The following NOX4 variants were observed in gnomAD, a reference collection of about 807,000 sequenced individuals.
The protein encoded by NOX4 is kidney oxidase-1.
In NOX4, 69 loss-of-function variants were observed where a neutral mutation model predicts 87.6. That is an observed-to-expected ratio of 0.79 (90% CI 0.65 to 0.96). The LOEUF is 0.96. Ranked by LOEUF, NOX4 falls within the 40% of genes least tolerant of loss-of-function variation. The probability of loss-of-function intolerance (pLI) is 0.00; values close to 1 mark genes in which losing one functional copy is unlikely to be tolerated. For synonymous variants in NOX4, 275 were observed against 238.2 expected, an observed-to-expected ratio of 1.15 and a Z score of -1.42; for missense variants, 680 against 681.5, an observed-to-expected ratio of 1.00 and a Z score of 0.02.
intron 12 of NOX4, among the ~76,000 whole-genome samples, chr11:89,372,710 C>G (rs551742829): frequency 6.6e-6 from 1 of 151,908 alleles, no homozygotes; most frequent in Non-Finnish European, 1.5e-5. Flanking sequence ...CGTTTAGCAC[C>G]TAAGTATAAG....
chr11:89,546,734 G>A, the NOX4 span: 3 of 152,170 alleles, frequency 2.0e-5, no homozygotes, highest in Admixed American at 6.6e-5. Flanking sequence ...AGGCAACAAA[G>A]CATGCACATG....
intron 12 of NOX4, among the ~76,000 whole-genome samples, chr11:89,358,774 GAT>G (rs1938284119): frequency 6.6e-6 from 1 of 150,742 alleles, no homozygotes; most frequent in South Asian, 2.1e-4. Context: ...AAAAAAAAAA[GAT>G]ATATTAATGC....
intron 11 of NOX4, among the ~76,000 whole-genome samples, chr11:89,387,687 G>A (rs1393834656): frequency 6.6e-6 from 1 of 152,128 alleles, no homozygotes; most frequent in African/African-American, 2.4e-5. Context: ...AAATTAGTAT[G>A]AAAATAATGT....
intron 12 of NOX4, among the ~76,000 whole-genome samples, chr11:89,368,440 C>A (rs1167728426): frequency 6.6e-6 from 1 of 152,056 alleles, no homozygotes; most frequent in Non-Finnish European, 1.5e-5. Flanking sequence ...GATCAAGGCA[C>A]CAGCAGCTTT....
chr11:89,372,701 G>A (rs1461835574), intron 12 of NOX4, among the ~76,000 whole-genome samples: 3 of 151,698 alleles, frequency 2.0e-5, no homozygotes, highest in Non-Finnish European at 2.9e-5. Flanking sequence ...CCAACTCCTC[G>A]TTTAGCACCT....
intron 12 of NOX4, among the ~76,000 whole-genome samples, chr11:89,365,223 G>A (rs1437766196): frequency 1.3e-5 from 2 of 151,948 alleles, no homozygotes; most frequent in African/African-American, 4.8e-5. Context: ...TTTATTTCCA[G>A]GGGGAGCAGA....
At chr11:89,543,882 T>C in the NOX4 span, among the ~76,000 whole-genome samples, 1 of 152,100 alleles carries the variant, frequency 6.6e-6, no homozygotes, top group African/African-American at 2.4e-5. Context: ...ATTTTATTAA[T>C]AGTCGAGGTG....
At chr11:89,434,230 C>T (rs903772289) in intron 6 of NOX4, among the ~76,000 whole-genome samples, 1 of 151,982 alleles carries the variant, frequency 6.6e-6, no homozygotes, top group Admixed American at 6.6e-5. Context: ...TAACAGCATT[C>T]GAAATCTCAG....
upstream of NOX4, chr11:89,498,784 G>C (rs1438426147): frequency 6.6e-6 from 1 of 152,218 alleles, no homozygotes; most frequent in Non-Finnish European, 1.5e-5. Context: ...TCACACTTTT[G>C]GCATGGATAA....
Position 89,444,202 on chromosome 11 carries a change from G to A in NOX4, c.380C>T (p.Ala127Val). The A allele has an allele frequency of 6.2e-7, 1 of 1,613,502 alleles. No homozygotes were observed. ...GVHVAAHLVN[A>V]LNFSVNYSED... ...ACTGTAATTCACTGAGAAGTTGAGG[G>A]CATTCACCAGATGGGCAGCCACATG... is the stretch of plus-strand genomic sequence containing the variant. The change falls in exon 5 of 18, where the codon GCC (alanine) becomes GTC (valine). Residue 127 changes from alanine to valine, a missense_variant. By Grantham distance (64) the Ala-to-Val change is moderately conservative. Transcript: ENST00000263317.
At chr11:89,405,641 A>T (rs989179044) in intron 8 of NOX4, among the ~76,000 whole-genome samples, 1 of 151,258 alleles carries the variant, frequency 6.6e-6, no homozygotes, top group African/African-American at 2.4e-5. Flanking sequence ...AAAAAAACTC[A>T]AGTATGACAT....
At chr11:89,486,278 A>ATTTATTTATTTATTT in intron 2 of NOX4, among the ~76,000 whole-genome samples, 1 of 148,332 alleles carries the variant, frequency 6.7e-6, no homozygotes, top group African/African-American at 2.5e-5. Flanking sequence ...TATTTAAATA[A>ATTTATTTATTTATTT]ATAAATAAAT....
intron 17 of NOX4, among the ~76,000 whole-genome samples, chr11:89,333,693 G>T (rs577694224): frequency 6.6e-6 from 1 of 151,816 alleles, no homozygotes; most frequent in African/African-American, 2.4e-5. Context: ...TTGTGTGCAT[G>T]AGGTTAATCA....
chr11:89,391,739 CAAAA>C (rs11419337), intron 11 of NOX4, among the ~76,000 whole-genome samples: 4 of 97,106 alleles, frequency 4.1e-5, no homozygotes, highest in South Asian at 3.9e-4. Context: ...GACCTTGTCT[CAAAA>C]AAAAAAAAAA....
chr11:89,578,692 A>T, the NOX4 span, among the ~76,000 whole-genome samples: 3 of 152,278 alleles, frequency 2.0e-5, no homozygotes, highest in East Asian at 5.8e-4. Context: ...GAATTCAAAG[A>T]TATATTGAGG....
intron 2 of NOX4, among the ~76,000 whole-genome samples, chr11:89,490,062 A>G (rs1157435688): frequency 6.6e-6 from 1 of 152,244 alleles, no homozygotes; most frequent in Non-Finnish European, 1.5e-5. Context: ...CAAACAGTGC[A>G]GAAATCCTCT....
chr11:89,402,654 A>T, intron 8 of NOX4, 112 bp from the exon 9 acceptor site: 1 of 801,250 alleles, frequency 1.2e-6, no homozygotes, highest in Non-Finnish European at 2.0e-6. Context: ...AACTTTACAC[A>T]GCATTTATCC....
intron 17 of NOX4, among the ~76,000 whole-genome samples, chr11:89,327,812 G>C (rs954682163): frequency 2.0e-5 from 3 of 151,978 alleles, no homozygotes; most frequent in Non-Finnish European, 4.4e-5. Flanking sequence ...GAAACTAAAA[G>C]CTGTGAAAAT....
intron 3 of NOX4, among the ~76,000 whole-genome samples, chr11:89,450,885 T>G (rs1273801637): frequency 6.6e-6 from 1 of 151,424 alleles, no homozygotes; most frequent in Non-Finnish European, 1.5e-5. Flanking sequence ...TATGCAGCCA[T>G]AAAAAGGATG....
Sources: allele counts gnomAD v4.1 joint callset (sites outside exome capture counted in the v4.1 genomes callset), GRCh38; gene constraint gnomAD v4.1.1; transcripts MANE v1.5; gene names NCBI Gene and HGNC (gene_info 2026-07-23, HGNC 2026-07-21).